NLRP11: variants seen among roughly 807,000 people sequenced by gnomAD.
The protein encoded by NLRP11 is NLR family pyrin domain containing 11.
In NLRP11, 53 loss-of-function variants were observed where a neutral mutation model predicts 79.3. The observed-to-expected ratio is 0.67, with a 90% CI of 0.54 to 0.84. NLRP11 has a LOEUF of 0.84. Among genes scored for constraint, NLRP11 ranks in the 40% least tolerant of loss-of-function variants. NLRP11 has a pLI of 0.00. For synonymous variants in NLRP11, 518 were observed against 462.6 expected (o/e 1.12, Z -1.54); for missense variants, 1,264 against 1,255.0 (o/e 1.01, Z -0.11).
intron 6 of NLRP11, among the ~76,000 whole-genome samples, chr19:55,795,441 A>G (rs559864414): frequency 2.0e-5 from 3 of 152,294 alleles, no homozygotes; most frequent in African/African-American, 7.2e-5. Context: ...TTAGAAAGTC[A>G]GTTGCTATGG....
chr19:55,830,179 C>A (rs986744467), intron 1 of NLRP11, among the ~76,000 whole-genome samples: 1 of 152,106 alleles, frequency 6.6e-6, no homozygotes. Context: ...TTTTTCCCCC[C>A]TAAGTGAACA....
intron 4 of NLRP11, among the ~76,000 whole-genome samples, chr19:55,802,395 C>A (rs1330880153): frequency 6.6e-6 from 1 of 152,100 alleles, no homozygotes; most frequent in Non-Finnish European, 1.5e-5. Context: ...AAGCTGAGAG[C>A]CAAATCGGAA....
chr19:55,789,140 G>T, intron 8 of NLRP11, 89 bp downstream of exon 8: 2 of 1,421,722 alleles, frequency 1.4e-6, no homozygotes, highest in Non-Finnish European at 1.9e-6. Flanking sequence ...TTATGTCCGA[G>T]GTATTGTATT....
intron 1 of NLRP11, among the ~76,000 whole-genome samples, chr19:55,827,828 G>C (rs199777571): frequency 0.051 from 7,194 of 142,090 alleles, 294 homozygotes; most frequent in East Asian, 0.14. Flanking sequence ...GGACTGTAAA[G>C]TAGTTCATCC....
At chr19:55,797,240 AG>A (rs1979010779) in intron 5 of NLRP11, among the ~76,000 whole-genome samples, 2 of 152,170 alleles carry the variant, frequency 1.3e-5, no homozygotes, top group Non-Finnish European at 2.9e-5. Flanking sequence ...TCGAGGCTGC[AG>A]TGAGCTATGA....
chr19:55,804,385 A>G lies in NLRP11; in HGVS notation c.2004-2646T>C, dbSNP rs1232538216. ...ACCTAATGCCTAGCAACAAGATTGG[A>G]TAAACGTGATACATATATACCATGG... On this transcript the variant is annotated intron_variant, in intron 4 of 9. Coordinates refer to ENST00000589093, the Ensembl canonical transcript of NLRP11. Among the ~76,000 whole-genome samples the G allele has an allele frequency of 2.0e-5, 3 of 152,216 alleles. No individual in the cohort carries two copies. In the East Asian group the frequency reaches 5.8e-4, roughly 29 times the overall value.
chr19:55,819,027 G>C (rs973981282), intron 1 of NLRP11, among the ~76,000 whole-genome samples: 1 of 151,758 alleles, frequency 6.6e-6, no homozygotes, highest in African/African-American at 2.4e-5. Context: ...GCCAGCAATA[G>C]GTAAGTCCCC....
chr19:55,796,166 G>C, exon 6 of NLRP11: 1 of 1,614,050 alleles, frequency 6.2e-7, no homozygotes, highest in Non-Finnish European at 8.5e-7. Flanking sequence ...TGCTGGATAA[G>C]GTCAGTTTTC....
At chr19:55,818,544 T>C (rs1005901104) in intron 1 of NLRP11, among the ~76,000 whole-genome samples, 1 of 152,170 alleles carries the variant, frequency 6.6e-6, no homozygotes, top group Non-Finnish European at 1.5e-5. Context: ...GAGGGGAGTG[T>C]TTCTTTTGAA....
intron 3 of NLRP11, 43 bp downstream of exon 3, chr19:55,808,726 T>C (rs1478385015): frequency 6.5e-7 from 1 of 1,545,314 alleles, no homozygotes; most frequent in Admixed American, 2.0e-5. Context: ...TATGGGCAGG[T>C]CTTAGGAAGA....
chr19:55,792,506 G>C, intron 6 of NLRP11, 35 bp from the exon 7 acceptor site: 1 of 1,590,656 alleles, frequency 6.3e-7, no homozygotes, highest in Non-Finnish European at 8.6e-7. Context: ...GTGACAGTGT[G>C]AGCACCAGAG....
At chr19:55,797,115 G>A (rs1978992376) in intron 5 of NLRP11, among the ~76,000 whole-genome samples, 1 of 151,984 alleles carries the variant, frequency 6.6e-6, no homozygotes, top group Non-Finnish European at 1.5e-5. Context: ...TTCCCCATGG[G>A]ACCCTATTTT....
intron 1 of NLRP11, among the ~76,000 whole-genome samples, chr19:55,828,657 A>G (rs1450642852): frequency 6.6e-6 from 1 of 152,210 alleles, no homozygotes; most frequent in Non-Finnish European, 1.5e-5. Flanking sequence ...CATCACCTAG[A>G]TGGAAGGAAA....
At chr19:55,817,078 A>G (rs1461757643) in intron 2 of NLRP11, among the ~76,000 whole-genome samples, 4 of 152,222 alleles carry the variant, frequency 2.6e-5, no homozygotes, top group Non-Finnish European at 5.9e-5. Flanking sequence ...TGAATATGAA[A>G]AAAATGCTCA....
intron 1 of NLRP11, among the ~76,000 whole-genome samples, chr19:55,820,272 G>A (rs555869444): frequency 6.6e-6 from 1 of 152,294 alleles, no homozygotes; most frequent in East Asian, 1.9e-4. Context: ...CACCCAGGGA[G>A]TCGCTTTCAT....
intron 4 of NLRP11, among the ~76,000 whole-genome samples, chr19:55,805,971 T>C (rs1979948441): frequency 6.6e-6 from 1 of 152,246 alleles, no homozygotes; most frequent in South Asian, 2.1e-4. Context: ...GTCTTCAGTC[T>C]CCTTGAATAA....
chr19:55,798,686 C>A (rs1343881333), intron 5 of NLRP11, among the ~76,000 whole-genome samples: 1 of 151,958 alleles, frequency 6.6e-6, no homozygotes, highest in Non-Finnish European at 1.5e-5. Context: ...TTAAGTCTAC[C>A]CTTGTAGTAA....
intron 8 of NLRP11, 54 bp from the exon 9 acceptor site, chr19:55,789,031 A>G: frequency 6.3e-7 from 1 of 1,594,604 alleles, no homozygotes; most frequent in Non-Finnish European, 8.6e-7. Flanking sequence ...GAAAAATGGC[A>G]GATGAGATGG....
At chr19:55,796,719 C>T (rs1168306469) in intron 5 of NLRP11, among the ~76,000 whole-genome samples, 4 of 148,718 alleles carry the variant, frequency 2.7e-5, no homozygotes, top group African/African-American at 1.0e-4. Flanking sequence ...TGGAGTCTTG[C>T]TCTGTCGCCC....
Sources: allele counts gnomAD v4.1 joint callset (sites outside exome capture counted in the v4.1 genomes callset), GRCh38; gene constraint gnomAD v4.1.1; transcripts MANE v1.5; gene names NCBI Gene and HGNC (gene_info 2026-07-23, HGNC 2026-07-21).